The following DSCAM variants were observed in gnomAD, a reference collection of about 807,000 sequenced individuals.
DSCAM encodes cell adhesion molecule DSCAM.
A neutral mutation model predicts 217.7 loss-of-function variants in DSCAM; 47 were observed. The ratio of observed to expected loss-of-function variants is 0.22; its 90% CI spans 0.17 to 0.28. DSCAM has a LOEUF of 0.28. Ranked by LOEUF, DSCAM falls within the 10% of genes least tolerant of loss-of-function variation. DSCAM has a pLI of 1.00. For synonymous variants in DSCAM, 1,056 were observed against 1,015.3 expected (o/e 1.04, Z -0.76); for missense variants, 2,080 against 2,618.3 (o/e 0.79, Z 4.49).
chr21:40,444,516 A>T (rs1230705374), intron 3 of DSCAM, among the ~76,000 whole-genome samples: 2 of 152,216 alleles, frequency 1.3e-5, no homozygotes, highest in Non-Finnish European at 2.9e-5. Flanking sequence ...CACCTGGAGC[A>T]CCCATGAGCA....
intron 3 of DSCAM, among the ~76,000 whole-genome samples, chr21:40,473,833 G>A (rs1310341298): frequency 2.0e-5 from 3 of 152,196 alleles, no homozygotes; most frequent in Non-Finnish European, 4.4e-5. Flanking sequence ...TTAGGACACA[G>A]AGAGGAGGTG....
At position 40,193,334 on chromosome 21, in the gene DSCAM, TA is replaced by T. The variant is rs1050810356; in HGVS notation, c.2357-4097del. On this transcript the variant is annotated intron_variant, in intron 11 of 32. Transcript: ENST00000400454. ...CACTTTCTGTTTGGCCTCAATCCACTAATCAAGATTTTTTCTCATACGGGAA... is the reference window on the plus strand; with the variant it reads ...CACTTTCTGTTTGGCCTCAATCCACTATCAAGATTTTTTCTCATACGGGAA... Among the ~76,000 whole-genome samples the T allele has an allele frequency of 1.5e-4, 22 of 144,320 alleles. No homozygotes were observed. In the East Asian group the frequency reaches 1.6e-3, roughly 11 times the overall value. 94.7% of individuals were successfully genotyped at this position (144,320 alleles called of 152,430 possible). A position where few individuals can be genotyped will look rare whatever the true frequency, so the allele number is the denominator to read the frequency against.
chr21:40,294,211 G>T (rs2073928359), intron 10 of DSCAM, among the ~76,000 whole-genome samples: 1 of 152,172 alleles, frequency 6.6e-6, no homozygotes, highest in Non-Finnish European at 1.5e-5. Context: ...GACAGACAAA[G>T]TATTATTTAA....
At chr21:40,840,100 A>G (rs561281686) in intron 1 of DSCAM, among the ~76,000 whole-genome samples, 2 of 152,214 alleles carry the variant, frequency 1.3e-5, no homozygotes, top group Non-Finnish European at 2.9e-5. Flanking sequence ...ATTGTAAGCT[A>G]TAAGACACTT....
chr21:40,787,520 T>G (rs551702334), intron 1 of DSCAM, among the ~76,000 whole-genome samples: 1 of 152,206 alleles, frequency 6.6e-6, no homozygotes, highest in African/African-American at 2.4e-5. Context: ...TGGGTTATCT[T>G]GCATTGTTTA....
rs548721751 is a variant in DSCAM, at chr21:40,605,085, C to T, written c.508+87725G>A. Reference sequence around the variant, plus strand: ...AGAACTGGAGGGGATTTTTCTCTGACCTTCATGTGAGAATCTGGTGAGCTT... The same window carrying T: ...AGAACTGGAGGGGATTTTTCTCTGATCTTCATGTGAGAATCTGGTGAGCTT... On this transcript the variant is annotated intron_variant, in intron 3 of 32. Coordinates refer to ENST00000400454, the MANE Select transcript of DSCAM (RefSeq NM_001389.5). 4.6e-5 allele frequency among the ~76,000 whole-genome samples: 7 copies of T among 152,300 alleles called. 1 individual carries two copies. The South Asian group carries it at 1.4e-3, about 32-fold the overall frequency.
chr21:40,465,591 C>T lies in DSCAM; in HGVS notation c.509-96346G>A, dbSNP rs534117556. On this transcript the variant is annotated intron_variant, in intron 3 of 32. Transcript: ENST00000400454. ...CGTGGCGTGCAGGCCACCCGCGGCC[C>T]AGGACGGCTTTGAATGTGGCCCAAC... Among the ~76,000 whole-genome samples the T allele has an allele frequency of 2.6e-5, 4 of 152,326 alleles. 1 individual carries two copies. Among genetic ancestry groups the T allele is most frequent in the African/African-American group, 9.6e-5 (4 of 41,574 alleles).
intron 3 of DSCAM, among the ~76,000 whole-genome samples, chr21:40,398,521 T>TA (rs139997562): frequency 0.038 from 5,801 of 152,276 alleles, 191 homozygotes; most frequent in East Asian, 0.11. Context: ...AATTAGCCTC[T>TA]AGGGCTCTAC....
chr21:40,253,195 G>C (rs2073327829), intron 11 of DSCAM, among the ~76,000 whole-genome samples: 1 of 152,148 alleles, frequency 6.6e-6, no homozygotes, highest in South Asian at 2.1e-4. Flanking sequence ...AGGGAATTCT[G>C]TAGCACAAGT....
chr21:40,716,211 A>G (rs540571627), intron 1 of DSCAM, among the ~76,000 whole-genome samples: 1 of 152,340 alleles, frequency 6.6e-6, no homozygotes, highest in Non-Finnish European at 1.5e-5. Context: ...TCATATGGCC[A>G]CAGGCAAAAG....
At chr21:40,809,013 C>T (rs1470975835) in intron 1 of DSCAM, among the ~76,000 whole-genome samples, 1 of 152,144 alleles carries the variant, frequency 6.6e-6, no homozygotes, top group African/African-American at 2.4e-5. Context: ...CATGGTCAAT[C>T]TGATTGTTCT....
chr21:40,286,777 A>G (rs111276413), intron 10 of DSCAM, among the ~76,000 whole-genome samples: 3 of 148,192 alleles, frequency 2.0e-5, no homozygotes, highest in Admixed American at 6.7e-5. Context: ...GGTGGATCTG[A>G]AGCGTGATCT....
At chr21:40,621,449 C>T (rs2089515302) in intron 3 of DSCAM, 1 of 152,048 alleles carries the variant, frequency 6.6e-6, no homozygotes, top group Admixed American at 6.5e-5. Flanking sequence ...TATAAATTCC[C>T]AGTGACCTGA....
chr21:40,751,218 G>A (rs1454503277), intron 1 of DSCAM, among the ~76,000 whole-genome samples: 1 of 152,128 alleles, frequency 6.6e-6, no homozygotes, highest in Admixed American at 6.6e-5. Context: ...CCTTCTCAGC[G>A]AGACCGACTC....
At chr21:40,032,479 T>C (rs1002857588) in intron 32 of DSCAM, among the ~76,000 whole-genome samples, 1 of 152,102 alleles carries the variant, frequency 6.6e-6, no homozygotes, top group Non-Finnish European at 1.5e-5. Flanking sequence ...AAGCCAAGAA[T>C]TGTAATCGAG....
chr21:40,755,861 T>G (rs2091270601), intron 1 of DSCAM, among the ~76,000 whole-genome samples: 1 of 152,220 alleles, frequency 6.6e-6, no homozygotes, highest in South Asian at 2.1e-4. Context: ...GCAATGTGAC[T>G]TTGCTGCTCC....
chr21:40,791,701 T>G (rs1252989310), intron 1 of DSCAM, among the ~76,000 whole-genome samples: 1 of 152,160 alleles, frequency 6.6e-6, no homozygotes, highest in Non-Finnish European at 1.5e-5. Flanking sequence ...ATTATAGTTC[T>G]TGGAGTCGAG....
chr21:40,428,234 T>TG (rs2075495114), intron 3 of DSCAM, among the ~76,000 whole-genome samples: 1 of 129,256 alleles, frequency 7.7e-6, no homozygotes, highest in African/African-American at 3.0e-5. Context: ...GGCAAATACT[T>TG]TGTGTGTGTG....
intron 3 of DSCAM, among the ~76,000 whole-genome samples, chr21:40,481,612 C>G (rs569388186): frequency 6.6e-6 from 1 of 150,792 alleles, no homozygotes; most frequent in Non-Finnish European, 1.5e-5. Context: ...AAATACCCAG[C>G]ATTTTTCAGT....
Sources: allele counts gnomAD v4.1 joint callset (sites outside exome capture counted in the v4.1 genomes callset), GRCh38; gene constraint gnomAD v4.1.1; transcripts MANE v1.5; gene names NCBI Gene and HGNC (gene_info 2026-07-23, HGNC 2026-07-21).